The following RIN3 variants were observed in gnomAD, a reference collection of about 807,000 sequenced individuals.
RIN3 encodes the protein RAB5 interacting protein 3.
In RIN3, 54 loss-of-function variants were observed where a neutral mutation model predicts 76.3. The ratio of observed to expected loss-of-function variants is 0.71; its 90% CI spans 0.57 to 0.89. RIN3 has a LOEUF of 0.89. Among genes scored for constraint, RIN3 ranks in the 40% least tolerant of loss-of-function variants. RIN3 has a pLI of 0.00. For synonymous variants in RIN3, 576 were observed against 564.0 expected (o/e 1.02, Z -0.30); for missense variants, 1,256 against 1,322.1 (o/e 0.95, Z 0.78).
intron 3 of RIN3, among the ~76,000 whole-genome samples, chr14:92,611,488 G>A (rs897720058): frequency 1.3e-5 from 2 of 152,040 alleles, no homozygotes; most frequent in Non-Finnish European, 2.9e-5. Flanking sequence ...CTCAGACTCA[G>A]GTGATCCACC....
rs1888815328 is a variant in RIN3, at chr14:92,685,318, T to A, written c.2631+168T>A. On this transcript the variant is annotated intron_variant, in intron 9 of 9. Transcript: ENST00000216487. This position sits in a 1 kb window ranked among gnomAD's most constrained non-coding sequence, Gnocchi z 4.7. The stretch of plus-strand genomic sequence containing the variant: ...CAGAGGAAGGGCCCCCAGCCCCTGC[T>A]GCCAGTGTGTGTCCAGGACTTGGGT... 1.5e-6 allele frequency: 1 copy of A among 664,504 alleles called. No individual in the cohort carries two copies. Among genetic ancestry groups the A allele is most frequent in the Non-Finnish European group, 2.5e-6 (1 of 396,336 alleles). 41.2% of individuals were successfully genotyped at this position (664,504 alleles called of 1,614,324 possible). A position where few individuals can be genotyped will look rare whatever the true frequency, so the allele number is the denominator to read the frequency against.
At chr14:92,598,988 C>T (rs976663300) in intron 3 of RIN3, among the ~76,000 whole-genome samples, 6 of 152,068 alleles carry the variant, frequency 3.9e-5, no homozygotes, top group Non-Finnish European at 7.4e-5. Flanking sequence ...GAAGAGCACA[C>T]GAGGTGGCAA....
chr14:92,609,094 C>T (rs1277009200), intron 3 of RIN3, among the ~76,000 whole-genome samples: 3 of 152,088 alleles, frequency 2.0e-5, no homozygotes, highest in Non-Finnish European at 4.4e-5. Flanking sequence ...TATGCCTTTG[C>T]GATCTCATAG....
chr14:92,635,079 C>T (rs1759657459), intron 4 of RIN3, among the ~76,000 whole-genome samples: 1 of 152,186 alleles, frequency 6.6e-6, no homozygotes, highest in Non-Finnish European at 1.5e-5. Flanking sequence ...GGAGGCCCCA[C>T]CACTCCAGCA....
chr14:92,568,369 A>G lies in RIN3; in HGVS notation c.250-8991A>G, dbSNP rs527356093. On this transcript the variant is annotated intron_variant, in intron 2 of 9. Coordinates refer to ENST00000216487, the MANE Select transcript of RIN3 (RefSeq NM_024832.5). The surrounding 1 kb of genome is among the most constrained non-coding windows in gnomAD (Gnocchi z 4.2). ...CTCATGAAGATGGCTGCTGCCTGAC[A>G]CTGACTTGGGCCAAAATCTGCCAGA... 6.6e-6 allele frequency among the ~76,000 whole-genome samples: 1 copy of G among 152,322 alleles called. No homozygotes were observed. The highest frequency in any genetic ancestry group is 1.5e-5 in the Non-Finnish European group (1 of 68,020).
chr14:92,656,276 G>A lies in RIN3; in HGVS notation c.2027-2885G>A, dbSNP rs184559655. ...GGACAAAGGCCGAGAGGTGGGGAAC[G>A]AGGCTGGAGGATCACGGGCCATTCA... On this transcript the variant is annotated intron_variant, in intron 6 of 9. Coordinates refer to ENST00000216487, the MANE Select transcript of RIN3 (RefSeq NM_024832.5). This position sits in a 1 kb window ranked among gnomAD's most constrained non-coding sequence, Gnocchi z 5.2. 2.0e-5 allele frequency among the ~76,000 whole-genome samples: 3 copies of A among 152,304 alleles called. No homozygotes were observed. The highest frequency in any genetic ancestry group is 2.0e-4 in the Admixed American group (3 of 15,296).
chr14:92,519,827 C>T (rs113937259), intron 1 of RIN3, among the ~76,000 whole-genome samples: 302 of 152,304 alleles, frequency 2.0e-3, no homozygotes, highest in African/African-American at 6.7e-3. Flanking sequence ...AGAGGAGTGA[C>T]GGGTACATGG....
chr14:92,540,083 G>A (rs1383842060), intron 1 of RIN3, among the ~76,000 whole-genome samples: 2 of 152,242 alleles, frequency 1.3e-5, no homozygotes, highest in African/African-American at 4.8e-5. Context: ...AGTGCTGGAC[G>A]CACACTAAGT....
chr14:92,556,207 T>G (rs1015166416), intron 2 of RIN3, among the ~76,000 whole-genome samples: 1 of 152,016 alleles, frequency 6.6e-6, no homozygotes, highest in Non-Finnish European at 1.5e-5. Context: ...GTGGGTGGCT[T>G]GCAGGCTCTC....
chr14:92,672,913 A>G (rs1016580946), intron 7 of RIN3, among the ~76,000 whole-genome samples: 12 of 152,080 alleles, frequency 7.9e-5, no homozygotes, highest in African/African-American at 2.7e-4. Flanking sequence ...ATGGAATCCT[A>G]TGTCCTATCA....
chr14:92,663,673 T>A (rs886968501), intron 7 of RIN3, among the ~76,000 whole-genome samples: 2 of 152,212 alleles, frequency 1.3e-5, no homozygotes, highest in African/African-American at 4.8e-5. Context: ...AGCCTCAGCA[T>A]CTTCACCTGG....
chr14:92,603,034 G>A (rs1175966558), intron 3 of RIN3, among the ~76,000 whole-genome samples: 1 of 152,180 alleles, frequency 6.6e-6, no homozygotes, highest in African/African-American at 2.4e-5. Context: ...GGCCAACTCA[G>A]GCAAACTCAC....
At chr14:92,637,185 C>G (rs1015514456) in intron 4 of RIN3, among the ~76,000 whole-genome samples, 20 of 152,010 alleles carry the variant, frequency 1.3e-4, no homozygotes, top group Non-Finnish European at 2.6e-4. Context: ...AACTCACCAT[C>G]ATGTAGTACC....
In RIN3 at chr14:92,688,268, C is replaced by T; in HGVS notation, c.*16C>T. ...CTTCCTGTGAGGCCCTCCCGGGGCGCCTCCCCTCACCCCCAGGCGCACGTC... is the reference window on the plus strand; with the variant it reads ...CTTCCTGTGAGGCCCTCCCGGGGCGTCTCCCCTCACCCCCAGGCGCACGTC... On this transcript the variant is annotated 3_prime_UTR_variant, in exon 10 of 10. Coordinates refer to ENST00000216487, the MANE Select transcript of RIN3 (RefSeq NM_024832.5). The T allele has an allele frequency of 6.5e-7, 1 of 1,543,786 alleles. No homozygotes were observed. The highest frequency in any genetic ancestry group is 8.7e-7 in the Non-Finnish European group (1 of 1,146,806).
Position 92,632,331 on chromosome 14 carries a change from G to C in RIN3, c.441-8907G>C, listed in dbSNP as rs150604260. Among the ~76,000 whole-genome samples, 345 of 152,232 alleles carry C rather than the reference G, an allele frequency of 2.3e-3. 5 individuals are homozygous for C. Among genetic ancestry groups the C allele is most frequent in the Admixed American group, 0.016 (242 of 15,292 alleles). ...CTCCTGCTGATGGGGCATCTGTGTGGAGTGAGCCTTTGGGCTGCGACTGCC... is the reference window on the plus strand; with the variant it reads ...CTCCTGCTGATGGGGCATCTGTGTGCAGTGAGCCTTTGGGCTGCGACTGCC... On this transcript the variant is annotated intron_variant, in intron 4 of 9. Coordinates refer to ENST00000216487, the MANE Select transcript of RIN3 (RefSeq NM_024832.5).
intron 2 of RIN3, among the ~76,000 whole-genome samples, chr14:92,556,708 C>A: frequency 6.6e-6 from 1 of 152,292 alleles, no homozygotes; most frequent in East Asian, 1.9e-4. Context: ...TTCTCCTATA[C>A]GCTGCTTCCT....
Position 92,513,892 on chromosome 14 carries a change from G to T in RIN3, c.-41G>T. 2.4e-6 allele frequency: 3 copies of T among 1,249,464 alleles called. No individual in the cohort carries two copies. Among genetic ancestry groups the T allele is most frequent in the Non-Finnish European group, 3.0e-6 (3 of 996,180 alleles). 77.4% of individuals were successfully genotyped at this position (1,249,464 alleles called of 1,614,324 possible). A position where few individuals can be genotyped will look rare whatever the true frequency, so the allele number is the denominator to read the frequency against. Reference sequence around the variant, plus strand: ...GACTCCGCGTTCCGCGCGGCCCGGCGCCTGAGCGCCTCCGTTCCCCGTCCC... The same window carrying T: ...GACTCCGCGTTCCGCGCGGCCCGGCTCCTGAGCGCCTCCGTTCCCCGTCCC... On this transcript the variant is annotated 5_prime_UTR_variant, in exon 1 of 10. Transcript: ENST00000216487.
intron 1 of RIN3, among the ~76,000 whole-genome samples, chr14:92,555,198 A>G (rs1002977496): frequency 6.6e-6 from 1 of 152,224 alleles, no homozygotes; most frequent in Non-Finnish European, 1.5e-5. Context: ...AAAAGTTTTT[A>G]AAAAGCCTCT....
chr14:92,621,637 A>G (rs1398933399), intron 4 of RIN3, among the ~76,000 whole-genome samples: 1 of 152,238 alleles, frequency 6.6e-6, no homozygotes, highest in Non-Finnish European at 1.5e-5. Context: ...GGATCAATAG[A>G]AAGGAAATGT....
Sources: allele counts gnomAD v4.1 joint callset (sites outside exome capture counted in the v4.1 genomes callset), GRCh38; gene constraint gnomAD v4.1.1; non-coding constraint Gnocchi (gnomAD v3.1); transcripts MANE v1.5; gene names NCBI Gene and HGNC (gene_info 2026-07-23, HGNC 2026-07-21).